DNER: variants seen among roughly 807,000 people sequenced by gnomAD.
DNER encodes the protein delta and Notch-like epidermal growth factor-related receptor.
A neutral mutation model predicts 78.2 loss-of-function variants in DNER; 33 were observed. The observed-to-expected ratio is 0.42, with a 90% CI of 0.32 to 0.56. DNER has a LOEUF of 0.56. DNER is among the 20% of genes least tolerant of loss of function. The pLI is 0.11. For synonymous variants in DNER, 417 were observed against 384.8 expected (o/e 1.08, Z -0.98); for missense variants, 918 against 975.3 (o/e 0.94, Z 0.78).
intron 6 of DNER, among the ~76,000 whole-genome samples, chr2:229,482,126 C>A (rs1250192495): frequency 6.6e-6 from 1 of 152,260 alleles, no homozygotes; most frequent in African/African-American, 2.4e-5. Context: ...AATTGTCTTT[C>A]TTTCCTCTAG....
At chr2:229,375,024 A>AT (rs1301519160) in intron 11 of DNER, among the ~76,000 whole-genome samples, 3 of 152,188 alleles carry the variant, frequency 2.0e-5, no homozygotes, top group Non-Finnish European at 2.9e-5. Context: ...TCCTCATGAG[A>AT]TTTTTTGGAA....
chr2:229,442,751 C>T (rs1694263033), intron 8 of DNER, among the ~76,000 whole-genome samples: 1 of 152,084 alleles, frequency 6.6e-6, no homozygotes, highest in Non-Finnish European at 1.5e-5. Flanking sequence ...TATTATCGGA[C>T]TACTGATATT....
chr2:229,626,215 G>A (rs749824047), intron 1 of DNER, among the ~76,000 whole-genome samples: 1 of 152,118 alleles, frequency 6.6e-6, no homozygotes, highest in African/African-American at 2.4e-5. Context: ...CACCGTGCCC[G>A]GCCTACTATG....
intron 6 of DNER, among the ~76,000 whole-genome samples, chr2:229,478,020 G>A (rs1695073074): frequency 6.6e-6 from 1 of 152,106 alleles, no homozygotes; most frequent in Non-Finnish European, 1.5e-5. Context: ...AAAGCCCCTG[G>A]AGAGAAAAGT....
chr2:229,628,463 G>A (rs889965669), intron 1 of DNER, among the ~76,000 whole-genome samples: 4 of 152,306 alleles, frequency 2.6e-5, no homozygotes, highest in South Asian at 2.1e-4. Flanking sequence ...ACGGGAACAC[G>A]GTAGTAACAA....
At chr2:229,710,556 G>A (rs1174882814) in intron 1 of DNER, among the ~76,000 whole-genome samples, 2 of 152,158 alleles carry the variant, frequency 1.3e-5, no homozygotes, top group Non-Finnish European at 2.9e-5. Context: ...GCAGGCACGT[G>A]GCAAGTGCTT....
chr2:229,451,994 G>A (rs1694467312), intron 7 of DNER, among the ~76,000 whole-genome samples: 1 of 152,162 alleles, frequency 6.6e-6, no homozygotes, highest in South Asian at 2.1e-4. Flanking sequence ...TTTGGAGAGA[G>A]CCAATATTTC....
At chr2:229,691,628 A>G (rs1699573758) in intron 1 of DNER, among the ~76,000 whole-genome samples, 1 of 152,212 alleles carries the variant, frequency 6.6e-6, no homozygotes, top group Admixed American at 6.5e-5. Context: ...TCTTCTCATT[A>G]AAAGACAAAT....
chr2:229,504,751 G>A (rs1695700353), intron 6 of DNER, among the ~76,000 whole-genome samples: 3 of 152,296 alleles, frequency 2.0e-5, no homozygotes, highest in African/African-American at 7.2e-5. Flanking sequence ...TGCAAACACA[G>A]AAAAACATTA....
intron 1 of DNER, among the ~76,000 whole-genome samples, chr2:229,632,889 CAA>C (rs1219742691): frequency 6.6e-6 from 1 of 152,058 alleles, no homozygotes; most frequent in African/African-American, 2.4e-5. Flanking sequence ...GGGAAAAGCT[CAA>C]GTTTACCAGT....
intron 6 of DNER, among the ~76,000 whole-genome samples, chr2:229,479,131 CAA>C (rs1695099805): frequency 6.6e-6 from 1 of 152,158 alleles, no homozygotes; most frequent in Non-Finnish European, 1.5e-5. Context: ...CATGTCCCTG[CAA>C]AGGACATGAT....
chr2:229,560,420 G>A (rs1355565097), intron 4 of DNER, among the ~76,000 whole-genome samples: 2 of 152,132 alleles, frequency 1.3e-5, no homozygotes, highest in Non-Finnish European at 2.9e-5. Flanking sequence ...AAGTCCCATG[G>A]CTGGCACCAG....
intron 1 of DNER, among the ~76,000 whole-genome samples, chr2:229,595,579 G>A (rs1266389945): frequency 1.3e-5 from 2 of 152,218 alleles, no homozygotes; most frequent in East Asian, 3.8e-4. Context: ...ACTGTGCCCA[G>A]CCTGTATTCA....
intron 10 of DNER, among the ~76,000 whole-genome samples, chr2:229,404,930 A>C (rs371290234): frequency 1.2e-4 from 1 of 8,170 alleles, no homozygotes; most frequent in East Asian, 0.038. Flanking sequence ...ATATGTAATT[A>C]TGGACTAAAA....
At chr2:229,564,232 C>CCAA (rs1697048550) in intron 4 of DNER, among the ~76,000 whole-genome samples, 1 of 144,924 alleles carries the variant, frequency 6.9e-6, no homozygotes, top group South Asian at 2.3e-4. Context: ...CACCTCATCT[C>CCAA]CATCATCAAC....
At chr2:229,382,298 G>A (rs1164100220) in intron 11 of DNER, among the ~76,000 whole-genome samples, 2 of 152,124 alleles carry the variant, frequency 1.3e-5, no homozygotes, top group Admixed American at 6.5e-5. Context: ...ATAAATCCAC[G>A]AAGATGAGGA....
intron 6 of DNER, among the ~76,000 whole-genome samples, chr2:229,510,795 T>A (rs1251851857): frequency 1.3e-5 from 2 of 152,116 alleles, no homozygotes; most frequent in African/African-American, 4.8e-5. Context: ...GAGATAAAAA[T>A]CTGGGGACAC....
intron 11 of DNER, among the ~76,000 whole-genome samples, chr2:229,377,606 C>T (rs1261373963): frequency 6.6e-6 from 1 of 152,110 alleles, no homozygotes; most frequent in African/African-American, 2.4e-5. Context: ...GCTATTTGAT[C>T]GATTCTATTA....
chr2:229,429,990 A>G (rs1693970337), intron 8 of DNER, among the ~76,000 whole-genome samples: 1 of 152,142 alleles, frequency 6.6e-6, no homozygotes, highest in African/African-American at 2.4e-5. Context: ...CTTAGCACAC[A>G]GGTTGAGGAA....
Sources: gnomAD v4.1 joint callset for allele counts (sites outside exome capture counted in the v4.1 genomes callset) on GRCh38, gnomAD v4.1.1 for gene constraint, MANE v1.5 for transcripts, NCBI Gene and HGNC (gene_info 2026-07-23, HGNC 2026-07-21) for gene names.